The following GRIN2A variants were observed in gnomAD, a reference collection of about 807,000 sequenced individuals.
The protein encoded by GRIN2A is glutamate ionotropic receptor NMDA type subunit 2A.
In GRIN2A, 22 loss-of-function variants were observed where a neutral mutation model predicts 113.4. The observed-to-expected ratio is 0.19, with a 90% CI of 0.14 to 0.28. The LOEUF is 0.28. Among genes scored for constraint, GRIN2A ranks in the 10% least tolerant of loss-of-function variants. The pLI, the probability that GRIN2A is intolerant of heterozygous loss-of-function variation, is 1.00. For missense variants in GRIN2A, 1,502 were observed against 1,887.0 expected (o/e 0.80, Z 3.78); for synonymous variants, 827 against 738.4 (o/e 1.12, Z -1.94).
chr16:9,850,610 G>A (rs753413051), intron 4 of GRIN2A, among the ~76,000 whole-genome samples: 3 of 152,108 alleles, frequency 2.0e-5, no homozygotes, highest in Non-Finnish European at 4.4e-5. Context: ...AGGAGTGGGG[G>A]TTGAGACAAC....
chr16:10,095,145 G>C (rs527617593), intron 2 of GRIN2A, among the ~76,000 whole-genome samples: 1 of 152,134 alleles, frequency 6.6e-6, no homozygotes, highest in Non-Finnish European at 1.5e-5. Context: ...AGCACACAGA[G>C]AGAAGACAGC....
At chr16:9,908,814 C>T (rs560271581) in intron 3 of GRIN2A, among the ~76,000 whole-genome samples, 1 of 152,254 alleles carries the variant, frequency 6.6e-6, no homozygotes, top group South Asian at 2.1e-4. Flanking sequence ...GAGCAGCAAA[C>T]AGGAAGGGAG....
intron 11 of GRIN2A, among the ~76,000 whole-genome samples, chr16:9,783,155 A>C (rs970905225): frequency 1.3e-5 from 2 of 152,210 alleles, no homozygotes; most frequent in African/African-American, 4.8e-5. Flanking sequence ...CATGAGGTTT[A>C]TGTACATGCA....
At chr16:9,793,746 A>G (rs980911928) in intron 11 of GRIN2A, among the ~76,000 whole-genome samples, 1 of 152,126 alleles carries the variant, frequency 6.6e-6, no homozygotes, top group African/African-American at 2.4e-5. Flanking sequence ...AACACACCTA[A>G]GAATATATAT....
chr16:9,846,407 A>G (rs919731422), intron 5 of GRIN2A, among the ~76,000 whole-genome samples: 3 of 152,202 alleles, frequency 2.0e-5, no homozygotes, highest in Non-Finnish European at 4.4e-5. Context: ...CTCCAAACCA[A>G]AACAGGCCTT....
intron 2 of GRIN2A, among the ~76,000 whole-genome samples, chr16:9,983,729 G>A (rs1213321): frequency 0.15 from 23,056 of 152,136 alleles, 2,152 homozygotes; most frequent in East Asian, 0.39. Flanking sequence ...GTGAGCCACC[G>A]CGCCCAGCCA....
chr16:10,003,358 A>G (rs1425598334), intron 2 of GRIN2A, among the ~76,000 whole-genome samples: 2 of 152,348 alleles, frequency 1.3e-5, no homozygotes, highest in African/African-American at 4.8e-5. Flanking sequence ...TAAGATATCT[A>G]TTATGCAGGA....
At chr16:9,991,364 A>G (rs1479459851) in intron 2 of GRIN2A, among the ~76,000 whole-genome samples, 2 of 152,226 alleles carry the variant, frequency 1.3e-5, no homozygotes, top group Admixed American at 6.5e-5. Context: ...AAGTGGTCCT[A>G]CAGGTAAAAT....
At chr16:10,048,464 C>T (rs1463604272) in intron 2 of GRIN2A, among the ~76,000 whole-genome samples, 4 of 152,082 alleles carry the variant, frequency 2.6e-5, no homozygotes, top group Non-Finnish European at 5.9e-5. Flanking sequence ...TTCTATTTGC[C>T]CAAAGGATAA....
chr16:10,003,057 C>G (rs1169070469), intron 2 of GRIN2A, among the ~76,000 whole-genome samples: 1 of 152,194 alleles, frequency 6.6e-6, no homozygotes, highest in African/African-American at 2.4e-5. Context: ...CAATTATGGA[C>G]AGTAGAACTC....
chr16:10,057,292 T>C (rs1421099544), intron 2 of GRIN2A, among the ~76,000 whole-genome samples: 2 of 152,038 alleles, frequency 1.3e-5, no homozygotes, highest in Admixed American at 6.6e-5. Flanking sequence ...TCTAAGTAAA[T>C]ACAATGGGCT....
chr16:10,032,287 A>G (rs1596444845), intron 2 of GRIN2A, among the ~76,000 whole-genome samples: 1 of 152,196 alleles, frequency 6.6e-6, no homozygotes, highest in African/African-American at 2.4e-5. Context: ...GACATGGGAG[A>G]CTTCAATGAC....
chr16:9,959,200 C>T (rs1216963902), intron 2 of GRIN2A, among the ~76,000 whole-genome samples: 1 of 152,194 alleles, frequency 6.6e-6, no homozygotes, highest in Non-Finnish European at 1.5e-5. Context: ...ACTCATCTGT[C>T]ACAGTGCCCT....
chr16:9,982,008 G>A (rs2045901202), intron 2 of GRIN2A, among the ~76,000 whole-genome samples: 1 of 152,172 alleles, frequency 6.6e-6, no homozygotes, highest in South Asian at 2.1e-4. Flanking sequence ...GGCAGGTCTG[G>A]AACTCCTGGC....
intron 4 of GRIN2A, among the ~76,000 whole-genome samples, chr16:9,880,076 C>A (rs985230526): frequency 6.6e-6 from 1 of 152,166 alleles, no homozygotes; most frequent in African/African-American, 2.4e-5. Context: ...GAAGTCCCAG[C>A]GGGCTCAGCT....
intron 11 of GRIN2A, among the ~76,000 whole-genome samples, chr16:9,794,962 G>T (rs1300470060): frequency 6.6e-6 from 1 of 152,010 alleles, no homozygotes; most frequent in African/African-American, 2.4e-5. Flanking sequence ...GGTGGTGATG[G>T]CCATGATGAT....
chr16:10,147,455 C>CAAAAAAAAAAA (rs367830700), intron 2 of GRIN2A, among the ~76,000 whole-genome samples: 98 of 72,872 alleles, frequency 1.3e-3, no homozygotes, highest in Middle Eastern at 0.012. Context: ...ACTAAAAATA[C>CAAAAAAAAAAA]AAAAAAAAAA....
intron 2 of GRIN2A, among the ~76,000 whole-genome samples, chr16:9,953,104 T>G (rs1250917695): frequency 6.6e-6 from 1 of 152,036 alleles, no homozygotes; most frequent in East Asian, 1.9e-4. Context: ...CCCAGAGAAA[T>G]CTCACTAAAG....
At chr16:10,153,275 T>C (rs1475123925) in intron 2 of GRIN2A, among the ~76,000 whole-genome samples, 1 of 152,140 alleles carries the variant, frequency 6.6e-6, no homozygotes. Context: ...CTCTTAAAAA[T>C]AAAGTCTGAA....
Sources: allele counts gnomAD v4.1 joint callset (sites outside exome capture counted in the v4.1 genomes callset), GRCh38; gene constraint gnomAD v4.1.1; transcripts MANE v1.5; gene names NCBI Gene and HGNC (gene_info 2026-07-23, HGNC 2026-07-21).